The following NUDT21 variants were observed in gnomAD, a reference collection of about 807,000 sequenced individuals.
NUDT21 encodes the protein cleavage and polyadenylation specificity factor subunit 5.
A neutral mutation model predicts 29.8 loss-of-function variants in NUDT21; 5 were observed. The ratio of observed to expected loss-of-function variants is 0.17; its 90% CI spans 0.09 to 0.35. The LOEUF (loss-of-function observed/expected upper bound fraction) is 0.35, where lower values mean the gene tolerates loss of function less well. Ranked by LOEUF, NUDT21 falls within the 10% of genes least tolerant of loss-of-function variation. The pLI, the probability that NUDT21 is intolerant of heterozygous loss-of-function variation, is 1.00. For synonymous variants in NUDT21, 113 were observed against 98.5 expected (o/e 1.15, Z -0.87); for missense variants, 76 against 276.0 (o/e 0.28, Z 5.13).
At chr16:56,433,978 C>T (rs1366422802) in intron 6 of NUDT21, among the ~76,000 whole-genome samples, 3 of 152,248 alleles carry the variant, frequency 2.0e-5, no homozygotes, top group African/African-American at 7.2e-5. Flanking sequence ...TGAGCCACTA[C>T]ATCCAGCCAA....
intron 3 of NUDT21, among the ~76,000 whole-genome samples, chr16:56,443,965 A>T (rs1336462612): frequency 6.6e-6 from 1 of 152,216 alleles, no homozygotes; most frequent in Non-Finnish European, 1.5e-5. Context: ...TTTTTCCAGA[A>T]ACAAGAATTC....
At chr16:56,451,006 C>T (rs954851494) in intron 1 of NUDT21, 81 bp downstream of exon 1, 3 of 1,212,972 alleles carry the variant, frequency 2.5e-6, no homozygotes, top group Non-Finnish European at 3.6e-6. Flanking sequence ...GCGTGAAGCG[C>T]GCCGAAAAGC....
intron 4 of NUDT21, 39 bp downstream of exon 4, chr16:56,439,618 T>C: frequency 7.6e-7 from 1 of 1,323,462 alleles, no homozygotes; most frequent in Non-Finnish European, 1.1e-6. Flanking sequence ...ACGAGCTTTC[T>C]GCTTCCAAAA....
chr16:56,436,556 G>GAT (rs1404756879), intron 4 of NUDT21, among the ~76,000 whole-genome samples: 1 of 152,286 alleles, frequency 6.6e-6, no homozygotes, highest in African/African-American at 2.4e-5. Context: ...ATGAAAACCA[G>GAT]ATACATTAAC....
chr16:56,449,909 T>C (rs1041371572), intron 1 of NUDT21, among the ~76,000 whole-genome samples: 2 of 152,184 alleles, frequency 1.3e-5, no homozygotes, highest in Non-Finnish European at 1.5e-5. Flanking sequence ...CCGCCACTCC[T>C]GAGAACTTTT....
chr16:56,451,243 G>C lies in NUDT21; in HGVS notation c.-41C>G. 6.8e-7 allele frequency: 1 copy of C among 1,476,340 alleles called. No individual in the cohort carries two copies. The highest frequency in any genetic ancestry group is 1.2e-5 in the South Asian group (1 of 82,902). 91.5% of individuals were successfully genotyped at this position (1,476,340 alleles called of 1,614,324 possible). A position where few individuals can be genotyped will look rare whatever the true frequency, so the allele number is the denominator to read the frequency against. On this transcript the variant is annotated 5_prime_UTR_variant, in exon 1 of 7. Coordinates refer to ENST00000300291, the MANE Select transcript of NUDT21 (RefSeq NM_007006.3). Reference sequence around the variant, plus strand: ...CGCTGACGGCGAGCAGAAAGTGGCAGGCAGGGTAGACTTTCCCCGTGCGGG... The same window carrying C: ...CGCTGACGGCGAGCAGAAAGTGGCACGCAGGGTAGACTTTCCCCGTGCGGG...
At position 56,429,949 on chromosome 16, in the gene NUDT21, T is replaced by C. The variant is rs1419317740; in HGVS notation, c.*2763A>G. On this transcript the variant is annotated 3_prime_UTR_variant, in exon 7 of 7. Transcript: ENST00000300291. ...GCACAACATTTAAGAAAGGGAATTT[T>C]AAGCCGATTGCTTGCTGGCCTGTTG... 5 of 152,236 alleles carry C rather than the reference T, an allele frequency of 3.3e-5. No individual in the cohort carries two copies. The highest frequency in any genetic ancestry group is 1.2e-4 in the African/African-American group (5 of 41,468). The allele number at this position is 152,236 out of a possible 1,614,324, so 9.4% of individuals were successfully genotyped here. A position where few individuals can be genotyped will look rare whatever the true frequency, so the allele number is the denominator to read the frequency against.
In NUDT21 at chr16:56,431,326, G is replaced by A. The variant is rs1427733681; in HGVS notation, c.*1386C>T. 6.6e-6 allele frequency: 1 copy of A among 152,110 alleles called. No homozygotes were observed. Among genetic ancestry groups the A allele is most frequent in the Non-Finnish European group, 1.5e-5 (1 of 68,032 alleles). The allele number at this position is 152,110 out of a possible 1,614,324, so 9.4% of individuals were successfully genotyped here. A position where few individuals can be genotyped will look rare whatever the true frequency, so the allele number is the denominator to read the frequency against. On this transcript the variant is annotated 3_prime_UTR_variant, in exon 7 of 7. Transcript: ENST00000300291. The stretch of plus-strand genomic sequence containing the variant: ...TGGGGCATTTTTGATCATGGAGACT[G>A]GTGCTCACCTACCATGAAGGACATG...
intron 3 of NUDT21, 67 bp from the exon 4 acceptor site, chr16:56,439,813 A>T: frequency 2.4e-6 from 3 of 1,275,404 alleles, no homozygotes; most frequent in Non-Finnish European, 3.4e-6. Context: ...TCTTCAGTGA[A>T]CAGAAAATTC....
At chr16:56,446,495 C>G (rs1189392150) in intron 3 of NUDT21, 131 bp downstream of exon 3, 1 of 561,800 alleles carries the variant, frequency 1.8e-6, no homozygotes, top group African/African-American at 1.9e-5. Context: ...CAACATTGTA[C>G]TAACCTTCTG....
At chr16:56,432,989 T>C (rs1334168697) in intron 6 of NUDT21, among the ~76,000 whole-genome samples, 1 of 152,240 alleles carries the variant, frequency 6.6e-6, no homozygotes, top group Non-Finnish European at 1.5e-5. Context: ...TGATTAATTA[T>C]CCACTAATAA....
chr16:56,448,855 A>G (rs2143946692), intron 1 of NUDT21, among the ~76,000 whole-genome samples: 1 of 152,332 alleles, frequency 6.6e-6, no homozygotes, highest in South Asian at 2.1e-4. Flanking sequence ...ATTCTACCAA[A>G]AGCCCTTGAC....
At chr16:56,447,034 A>T in intron 2 of NUDT21, 1 of 191,464 alleles carries the variant, frequency 5.2e-6, no homozygotes. Flanking sequence ...ATAACATCCA[A>T]TAGGAAGTAT....
At chr16:56,448,170 T>C (rs1028431489) in intron 1 of NUDT21, among the ~76,000 whole-genome samples, 181 bp from the exon 2 acceptor site, 3 of 152,222 alleles carry the variant, frequency 2.0e-5, no homozygotes, top group African/African-American at 7.2e-5. Context: ...TCTGGACTCT[T>C]AAAGCCAGAG....
At position 56,451,309 on chromosome 16, in the gene NUDT21, A is replaced by G. The variant is rs1567541883; in HGVS notation, c.-107T>C. The G allele has an allele frequency of 1.2e-5, 11 of 901,080 alleles. No individual in the cohort carries two copies. Among genetic ancestry groups the G allele is most frequent in the Non-Finnish European group, 8.5e-6 (5 of 588,652 alleles). 55.8% of individuals were successfully genotyped at this position (901,080 alleles called of 1,614,324 possible). A position where few individuals can be genotyped will look rare whatever the true frequency, so the allele number is the denominator to read the frequency against. On this transcript the variant is annotated 5_prime_UTR_variant, in exon 1 of 7. The change abolishes an upstream ATG in the 5' untranslated region. Transcript: ENST00000300291. ...ATCCCCTCAGCGGCTACTGCCCGCC[A>G]TTAACAGGACAGCGCAAGAGGAGGC...
Position 56,429,713 on chromosome 16 carries a change from C to T in NUDT21, c.*2999G>A, listed in dbSNP as rs117448735. 0.039 allele frequency: 5,870 copies of T among 152,258 alleles called. 159 individuals carry two copies. The highest frequency in any genetic ancestry group is 0.14 in the Middle Eastern group (42 of 292). The allele number at this position is 152,258 out of a possible 1,614,324, so 9.4% of individuals were successfully genotyped here. A position where few individuals can be genotyped will look rare whatever the true frequency, so the allele number is the denominator to read the frequency against. The stretch of plus-strand genomic sequence containing the variant: ...TGCTACAGAAAGCTGACTTATACTA[C>T]AGTCAACAACCACTAAGCCTTCTTT... On this transcript the variant is annotated 3_prime_UTR_variant, in exon 7 of 7. Transcript: ENST00000300291.
At position 56,442,578 on chromosome 16, in the gene NUDT21, G is replaced by A. The variant is rs75874365; in HGVS notation, c.382-2832C>T. 5.0e-3 allele frequency among the ~76,000 whole-genome samples: 761 copies of A among 152,012 alleles called. 6 individuals carry two copies. Among genetic ancestry groups the A allele is most frequent in the African/African-American group, 0.018 (727 of 41,478 alleles). On this transcript the variant is annotated intron_variant, in intron 3 of 6. Transcript: ENST00000300291. ...TTTACATCTTTTTGTTTTTATTTTC[G>A]TTTGTAGGATCTAAAACGTCATGAT...
At chr16:56,440,519 T>A (rs1354879742) in intron 3 of NUDT21, among the ~76,000 whole-genome samples, 5 of 152,206 alleles carry the variant, frequency 3.3e-5, no homozygotes, top group Non-Finnish European at 7.3e-5. Flanking sequence ...ACCTTCCTTG[T>A]GTTTGATGAT....
At chr16:56,434,544 A>G in intron 5 of NUDT21, 99 bp from the exon 6 acceptor site, 1 of 829,052 alleles carries the variant, frequency 1.2e-6, no homozygotes, top group South Asian at 1.6e-5. Context: ...AAAGTGTAAG[A>G]AAAAAGATAA....
Sources: gnomAD v4.1 joint callset for allele counts (sites outside exome capture counted in the v4.1 genomes callset) on GRCh38, gnomAD v4.1.1 for gene constraint, MANE v1.5 for transcripts, NCBI Gene and HGNC (gene_info 2026-07-23, HGNC 2026-07-21) for gene names.